Variants in TENM3 observed in about 807,000 individuals in gnomAD.
TENM3 encodes teneurin-3.
TENM3 carries 63 observed loss-of-function variants against 255.1 expected under a neutral mutation model. The ratio of observed to expected loss-of-function variants is 0.25; its 90% CI spans 0.20 to 0.30. TENM3 has a LOEUF of 0.30. Among genes scored for constraint, TENM3 ranks in the 10% least tolerant of loss-of-function variants. The probability of loss-of-function intolerance (pLI) is 1.00; values close to 1 mark genes in which losing one functional copy is unlikely to be tolerated. For missense variants in TENM3, 2,929 were observed against 3,461.1 expected (o/e 0.85, Z 3.86); for synonymous variants, 1,306 against 1,322.3 (o/e 0.99, Z 0.27).
At chr4:181,926,983 G>A in the TENM3 span, among the ~76,000 whole-genome samples, 5 of 152,166 alleles carry the variant, frequency 3.3e-5, no homozygotes, top group East Asian at 7.8e-4. Flanking sequence ...CTCCAGCCCA[G>A]AAACTACACT....
chr4:182,217,976 G>A lies in TENM3; in HGVS notation c.-76+73222G>A, dbSNP rs150474372. Among the ~76,000 whole-genome samples, 366 of 152,310 alleles carry A rather than the reference G, an allele frequency of 2.4e-3. 2 individuals carry two copies. Among genetic ancestry groups the A allele is most frequent in the African/African-American group, 8.4e-3 (351 of 41,568 alleles). On this transcript the variant is annotated intron_variant, in intron 1 of 2. Transcript: ENST00000512480. ...AGCCACAATTAAAGGACTTGGGTGAGACAGTCATCGGAGTAACAGTAATGA... is the reference window on the plus strand; with the variant it reads ...AGCCACAATTAAAGGACTTGGGTGAAACAGTCATCGGAGTAACAGTAATGA...
chr4:182,373,644 C>T (rs1431263268), intron 3 of TENM3, among the ~76,000 whole-genome samples: 1 of 152,128 alleles, frequency 6.6e-6, no homozygotes, highest in Non-Finnish European at 1.5e-5. Flanking sequence ...CAGACACCTC[C>T]CACACGGCTC....
the TENM3 span, among the ~76,000 whole-genome samples, chr4:181,686,708 T>C: frequency 6.6e-6 from 1 of 152,194 alleles, no homozygotes; most frequent in Non-Finnish European, 1.5e-5. Flanking sequence ...GTAATTGTTT[T>C]CATTTAATTC....
At chr4:181,640,061 C>T in the TENM3 span, among the ~76,000 whole-genome samples, 3 of 152,164 alleles carry the variant, frequency 2.0e-5, no homozygotes, top group Non-Finnish European at 4.4e-5. Flanking sequence ...ACACAGACAG[C>T]ACTCACCAAA....
intron 5 of TENM3, among the ~76,000 whole-genome samples, chr4:182,630,449 T>C (rs1751254106): frequency 6.6e-6 from 1 of 151,916 alleles, no homozygotes; most frequent in Admixed American, 6.5e-5. Flanking sequence ...AAGGGACCAG[T>C]CATAAATGGG....
chr4:182,314,201 T>G (rs938614843), intron 1 of TENM3, among the ~76,000 whole-genome samples: 3 of 151,736 alleles, frequency 2.0e-5, no homozygotes, highest in African/African-American at 4.8e-5. Context: ...CTCGGGAGGC[T>G]GAGGCAGGAG....
the TENM3 span, among the ~76,000 whole-genome samples, chr4:181,521,964 G>A: frequency 1.3e-5 from 2 of 151,838 alleles, no homozygotes; most frequent in South Asian, 2.1e-4. Context: ...AGCCAGGCAC[G>A]GTGGCGGGCG....
intron 1 of TENM3, among the ~76,000 whole-genome samples, chr4:182,251,575 T>C (rs1242818842): frequency 6.6e-6 from 1 of 152,252 alleles, no homozygotes; most frequent in Non-Finnish European, 1.5e-5. Flanking sequence ...GTGGGCCTTC[T>C]TTCCCAGTAT....
the TENM3 span, among the ~76,000 whole-genome samples, chr4:181,878,131 A>G: frequency 5.3e-5 from 8 of 152,324 alleles, no homozygotes; most frequent in Admixed American, 3.9e-4. Context: ...GTCTGCTCAG[A>G]TGAAGATCAT....
chr4:181,665,877 T>C, the TENM3 span, among the ~76,000 whole-genome samples: 3 of 152,022 alleles, frequency 2.0e-5, no homozygotes, highest in African/African-American at 7.2e-5. Context: ...ATCTTAAAAA[T>C]AGATAAAATA....
chr4:182,209,842 A>T (rs932436165), intron 1 of TENM3, among the ~76,000 whole-genome samples: 13 of 151,988 alleles, frequency 8.6e-5, no homozygotes, highest in Admixed American at 5.9e-4. Context: ...GAGATCCAAG[A>T]CTGGCTCTCT....
intron 3 of TENM3, among the ~76,000 whole-genome samples, chr4:182,430,282 C>T (rs1771523987): frequency 6.6e-6 from 1 of 152,242 alleles, no homozygotes; most frequent in Non-Finnish European, 1.5e-5. Context: ...GGCGCAGTGG[C>T]TCACGCCTGT....
intron 24 of TENM3, among the ~76,000 whole-genome samples, chr4:182,777,541 G>GTGTGTGTGTGTGTGTT (rs1579462872): frequency 9.4e-6 from 1 of 106,424 alleles, no homozygotes; most frequent in African/African-American, 4.1e-5. Context: ...GTGTGTGTGT[G>GTGTGTGTGTGTGTGTT]TATTTCTTTT....
the TENM3 span, among the ~76,000 whole-genome samples, chr4:181,449,160 T>C: frequency 6.6e-6 from 1 of 152,226 alleles, no homozygotes; most frequent in African/African-American, 2.4e-5. Flanking sequence ...TTGTCACCTA[T>C]CACCTTTTCC....
At chr4:181,803,064 T>A in the TENM3 span, among the ~76,000 whole-genome samples, 1 of 151,756 alleles carries the variant, frequency 6.6e-6, no homozygotes, top group African/African-American at 2.4e-5. Context: ...TCATTACATG[T>A]ATGTGTTAGA....
intron 3 of TENM3, among the ~76,000 whole-genome samples, chr4:182,573,823 A>G (rs892106995): frequency 2.6e-5 from 4 of 152,154 alleles, no homozygotes; most frequent in Admixed American, 6.5e-5. Flanking sequence ...AATAAGGAAA[A>G]ATATTGAGAT....
the TENM3 span, among the ~76,000 whole-genome samples, chr4:181,465,498 A>G: frequency 6.6e-6 from 1 of 152,232 alleles, no homozygotes; most frequent in African/African-American, 2.4e-5. Context: ...TAGTCAGAAA[A>G]GGTGACATCA....
chr4:182,423,895 C>T (rs1771018253), intron 3 of TENM3, among the ~76,000 whole-genome samples: 1 of 152,080 alleles, frequency 6.6e-6, no homozygotes, highest in Admixed American at 6.6e-5. Context: ...TAACTTTAGT[C>T]ATTATTTCAC....
chr4:181,462,573 G>T, the TENM3 span, among the ~76,000 whole-genome samples: 1 of 152,112 alleles, frequency 6.6e-6, no homozygotes, highest in Non-Finnish European at 1.5e-5. Context: ...ATTTTGCCTG[G>T]TTTTCAAATT....
Sources: allele counts gnomAD v4.1 joint callset (sites outside exome capture counted in the v4.1 genomes callset), GRCh38; gene constraint gnomAD v4.1.1; transcripts MANE v1.5; gene names NCBI Gene and HGNC (gene_info 2026-07-23, HGNC 2026-07-21).